The following PPM1H variants were observed in gnomAD, a reference collection of about 807,000 sequenced individuals.
PPM1H encodes the protein protein phosphatase 1H.
In PPM1H, 27 loss-of-function variants were observed where a neutral mutation model predicts 54.9. The observed-to-expected ratio is 0.49, with a 90% CI of 0.36 to 0.68. The LOEUF is 0.68. PPM1H is among the 30% of genes least tolerant of loss of function. The pLI is 0.00. For synonymous variants in PPM1H, 305 were observed against 270.8 expected, an observed-to-expected ratio of 1.13 and a Z score of -1.24; for missense variants, 596 against 667.8, an observed-to-expected ratio of 0.89 and a Z score of 1.19.
Position 62,927,325 on chromosome 12 carries a change from G to C in PPM1H, c.245+7167C>G, listed in dbSNP as rs114804133. Among the ~76,000 whole-genome samples the C allele has an allele frequency of 2.7e-3, 404 of 152,248 alleles. 3 individuals are homozygous for C. Among genetic ancestry groups the C allele is most frequent in the Middle Eastern group, 0.014 (4 of 294 alleles). On this transcript the variant is annotated intron_variant, in intron 1 of 9. Coordinates refer to ENST00000228705, the MANE Select transcript of PPM1H (RefSeq NM_020700.2). ...ATGTTCAATGGGAGATTCATGAATG[G>C]GAAGCCCTTCAATGGAATATTAGGC...
chr12:62,670,342 T>C (rs904952095), intron 8 of PPM1H, among the ~76,000 whole-genome samples: 6 of 152,168 alleles, frequency 3.9e-5, no homozygotes, highest in Non-Finnish European at 7.4e-5. Flanking sequence ...CTCTTTATGA[T>C]AGACAATATT....
At chr12:62,924,075 A>T (rs1396925242) in intron 1 of PPM1H, among the ~76,000 whole-genome samples, 3 of 152,230 alleles carry the variant, frequency 2.0e-5, no homozygotes, top group African/African-American at 7.2e-5. Flanking sequence ...CACACTTGAC[A>T]AAATAAAGTT....
At chr12:62,700,506 G>A (rs2076138372) in intron 6 of PPM1H, among the ~76,000 whole-genome samples, 2 of 152,180 alleles carry the variant, frequency 1.3e-5, no homozygotes, top group African/African-American at 4.8e-5. Context: ...CAAGGATTGA[G>A]TATTTTGTCT....
At chr12:62,727,264 A>G (rs1447350740) in intron 5 of PPM1H, among the ~76,000 whole-genome samples, 6 of 152,246 alleles carry the variant, frequency 3.9e-5, no homozygotes, top group Non-Finnish European at 5.9e-5. Flanking sequence ...AGCACCCAAC[A>G]TAGTAAAGGT....
intron 6 of PPM1H, among the ~76,000 whole-genome samples, chr12:62,702,774 C>T (rs2120386062): frequency 6.6e-6 from 1 of 152,332 alleles, no homozygotes; most frequent in Non-Finnish European, 1.5e-5. Flanking sequence ...CATTCTTCCA[C>T]TAATCTCTAG....
intron 1 of PPM1H, among the ~76,000 whole-genome samples, chr12:62,894,218 T>C (rs1870900085): frequency 6.6e-6 from 1 of 152,110 alleles, no homozygotes. Flanking sequence ...AACTCAGCAA[T>C]AGATGACGGG....
chr12:62,831,473 C>T (rs1291063661), intron 2 of PPM1H, among the ~76,000 whole-genome samples: 1 of 151,988 alleles, frequency 6.6e-6, no homozygotes, highest in African/African-American at 2.4e-5. Flanking sequence ...TCTGCAAGGC[C>T]ACCCCATGGG....
intron 1 of PPM1H, among the ~76,000 whole-genome samples, chr12:62,886,790 T>C (rs1157718541): frequency 6.6e-6 from 1 of 152,176 alleles, no homozygotes; most frequent in African/African-American, 2.4e-5. Context: ...AAAAACTCAA[T>C]TTATGCAGAG....
At chr12:62,672,592 T>TG (rs1466870263) in intron 8 of PPM1H, among the ~76,000 whole-genome samples, 1 of 152,156 alleles carries the variant, frequency 6.6e-6, no homozygotes, top group Non-Finnish European at 1.5e-5. Flanking sequence ...ATGCAAGTGG[T>TG]GGGGGGAATC....
chr12:62,801,545 G>A (rs2076769466), intron 3 of PPM1H, among the ~76,000 whole-genome samples: 1 of 152,122 alleles, frequency 6.6e-6, no homozygotes, highest in African/African-American at 2.4e-5. Context: ...TTGAACTCCT[G>A]ACCTCCTGCC....
chr12:62,667,341 C>A lies in PPM1H; in HGVS notation c.1246-12G>T. 1 of 1,552,214 alleles carries A rather than the reference C, an allele frequency of 6.4e-7. No individual in the cohort carries two copies. Among genetic ancestry groups the A allele is most frequent in the Non-Finnish European group, 8.7e-7 (1 of 1,143,102 alleles). On this transcript the variant is annotated splice_polypyrimidine_tract_variant and intron_variant, in intron 8 of 9. Transcript: ENST00000228705. ...TCGTAGATTCTTACCTGAAAAAAAACAAGAATACTACCACTTAAGAAATTG... is the reference window on the plus strand; with the variant it reads ...TCGTAGATTCTTACCTGAAAAAAAAAAAGAATACTACCACTTAAGAAATTG...
chr12:62,820,273 A>T (rs1007655756), intron 2 of PPM1H, among the ~76,000 whole-genome samples: 11 of 152,228 alleles, frequency 7.2e-5, no homozygotes, highest in Non-Finnish European at 2.9e-5. Context: ...GGCAGAGCCC[A>T]CCACAGCTCT....
At chr12:62,895,794 A>G (rs1406275277) in intron 1 of PPM1H, among the ~76,000 whole-genome samples, 2 of 152,154 alleles carry the variant, frequency 1.3e-5, no homozygotes, top group Admixed American at 6.5e-5. Context: ...TTTGCCTTCC[A>G]CCATGAGTGG....
intron 1 of PPM1H, among the ~76,000 whole-genome samples, chr12:62,882,669 C>A (rs1247073567): frequency 6.6e-6 from 1 of 152,240 alleles, no homozygotes; most frequent in African/African-American, 2.4e-5. Flanking sequence ...AGGGAGTCAA[C>A]AGAAGGGCAA....
At chr12:62,676,232 G>A (rs766739089) in intron 8 of PPM1H, among the ~76,000 whole-genome samples, 3 of 152,174 alleles carry the variant, frequency 2.0e-5, no homozygotes, top group African/African-American at 4.8e-5. Context: ...CAATATGGAC[G>A]CATCACAAAC....
chr12:62,805,327 A>G (rs762014788), intron 2 of PPM1H, among the ~76,000 whole-genome samples: 1 of 152,190 alleles, frequency 6.6e-6, no homozygotes, highest in Non-Finnish European at 1.5e-5. Flanking sequence ...TAAAAATAGA[A>G]CCATCATATA....
intron 4 of PPM1H, among the ~76,000 whole-genome samples, chr12:62,770,779 A>G (rs1428586365): frequency 1.4e-4 from 22 of 152,234 alleles, no homozygotes; most frequent in Admixed American, 1.4e-3. Context: ...GGATTGCACG[A>G]ATCCAATTTT....
At chr12:62,908,077 T>C (rs1194539928) in intron 1 of PPM1H, among the ~76,000 whole-genome samples, 3 of 152,228 alleles carry the variant, frequency 2.0e-5, no homozygotes, top group African/African-American at 4.8e-5. Context: ...CCTTATTGAC[T>C]TGTTTACAAT....
At chr12:62,777,136 A>T (rs2076615779) in intron 4 of PPM1H, among the ~76,000 whole-genome samples, 1 of 152,160 alleles carries the variant, frequency 6.6e-6, no homozygotes, top group African/African-American at 2.4e-5. Context: ...AGCCTGTAGA[A>T]CTCTGCTGCA....
Sources: allele counts gnomAD v4.1 joint callset (sites outside exome capture counted in the v4.1 genomes callset), GRCh38; gene constraint gnomAD v4.1.1; transcripts MANE v1.5; gene names NCBI Gene and HGNC (gene_info 2026-07-23, HGNC 2026-07-21).